The following HDAC9 variants were observed in gnomAD, a reference collection of about 807,000 sequenced individuals.
HDAC9 encodes histone deacetylase 9.
Under a neutral mutation model 139.4 loss-of-function variants are expected in HDAC9, and 41 were observed. That is an observed-to-expected ratio of 0.29 (90% CI 0.23 to 0.38). The LOEUF is 0.38. HDAC9 is among the 10% of genes least tolerant of loss of function. The probability of loss-of-function intolerance (pLI) is 1.00; values close to 1 mark genes in which losing one functional copy is unlikely to be tolerated. For missense variants in HDAC9, 1,147 were observed against 1,297.0 expected (o/e 0.88, Z 1.78); for synonymous variants, 517 against 476.2 (o/e 1.09, Z -1.12).
chr7:18,643,032 A>G, intron 8 of HDAC9, among the ~76,000 whole-genome samples: 1 of 152,166 alleles, frequency 6.6e-6, no homozygotes. Flanking sequence ...AGATAAGTGA[A>G]TAACATATCC....
chr7:18,999,133 GA>G lies in HDAC9; in HGVS notation c.*3077del, dbSNP rs1441322821. The G allele has an allele frequency of 6.6e-6, 1 of 152,114 alleles. No individual in the cohort carries two copies. The highest frequency in any genetic ancestry group is 2.4e-5 in the African/African-American group (1 of 41,426). The allele number at this position is 152,114 out of a possible 1,614,324, so 9.4% of individuals were successfully genotyped here. A position where few individuals can be genotyped will look rare whatever the true frequency, so the allele number is the denominator to read the frequency against. On this transcript the variant is annotated 3_prime_UTR_variant, in exon 26 of 26. Transcript: ENST00000686413. Reference sequence around the variant, plus strand: ...CTTTGGAGAAAATAGAGATATTTATGAAAAAACTACTACAAATCACATTTCC... The same window carrying G: ...CTTTGGAGAAAATAGAGATATTTATGAAAAACTACTACAAATCACATTTCC...
chr7:18,469,586 T>C (rs1794571945), intron 1 of HDAC9, among the ~76,000 whole-genome samples: 1 of 152,126 alleles, frequency 6.6e-6, no homozygotes, highest in African/African-American at 2.4e-5. Context: ...ACATTGTATT[T>C]CATGAATGGG....
At chr7:18,242,793 C>T (rs148220958) in intron 2 of HDAC9, among the ~76,000 whole-genome samples, 1 of 152,068 alleles carries the variant, frequency 6.6e-6, no homozygotes, top group Non-Finnish European at 1.5e-5. Context: ...TCCTTAGTCT[C>T]TACAATTCAA....
At chr7:18,095,207 T>C (rs912172794) in intron 1 of HDAC9, among the ~76,000 whole-genome samples, 1 of 152,112 alleles carries the variant, frequency 6.6e-6, no homozygotes, top group African/African-American at 2.4e-5. Flanking sequence ...ACCTCTTCTG[T>C]GATGCTTCCC....
At position 18,168,462 on chromosome 7, in the gene HDAC9, C is replaced by T. The variant is rs949188036; in HGVS notation, c.25+6113C>T. On this transcript the variant is annotated intron_variant, in intron 2 of 12. Coordinates refer to the HDAC9 transcript ENST00000417496. ...AAATCTTGCTACCTCTGCAAATACA[C>T]ATGTACAGCCCTTTGTTTATAACAT... Among the ~76,000 whole-genome samples, 3 of 152,268 alleles carry T rather than the reference C, an allele frequency of 2.0e-5. No homozygotes were observed. In the East Asian group the frequency reaches 5.8e-4, roughly 29 times the overall value.
intron 1 of HDAC9, among the ~76,000 whole-genome samples, chr7:18,156,049 A>G (rs568867514): frequency 6.6e-6 from 1 of 152,274 alleles, no homozygotes; most frequent in South Asian, 2.1e-4. Context: ...CACTGTGAGC[A>G]CAGTCCTGCT....
At chr7:18,306,983 A>G (rs1798954448) in intron 1 of HDAC9, among the ~76,000 whole-genome samples, 1 of 151,998 alleles carries the variant, frequency 6.6e-6, no homozygotes, top group Non-Finnish European at 1.5e-5. Context: ...ACCTCATTCC[A>G]CAGTTAACAT....
At chr7:18,939,126 G>C (rs371405681) in intron 23 of HDAC9, among the ~76,000 whole-genome samples, 2 of 152,162 alleles carry the variant, frequency 1.3e-5, no homozygotes, top group South Asian at 4.1e-4. Flanking sequence ...ATACCAGCTT[G>C]TCCCTTTTGG....
intron 17 of HDAC9, among the ~76,000 whole-genome samples, chr7:18,827,945 G>A (rs2129204965): frequency 6.6e-6 from 1 of 152,068 alleles, no homozygotes. Context: ...TACCATCAGA[G>A]CGATAGTAAG....
intron 1 of HDAC9, among the ~76,000 whole-genome samples, chr7:18,301,816 G>T (rs917315421): frequency 2.0e-5 from 3 of 152,104 alleles, no homozygotes; most frequent in African/African-American, 7.2e-5. Context: ...GTGGATAAAG[G>T]TCTGTCTTGT....
Position 18,797,313 on chromosome 7 carries a change from T to G in HDAC9, c.2322+3861T>G, listed in dbSNP as rs188683324. Among the ~76,000 whole-genome samples the G allele has an allele frequency of 7.7e-3, 1,180 of 152,272 alleles. 10 individuals are homozygous for G. Among genetic ancestry groups the G allele is most frequent in the South Asian group, 0.01 (50 of 4,828 alleles). ...AAAAAGGGGCTAAAACTATCTATTT[T>G]AAGTAAGCAAAATTTTATCTTTTTT... On this transcript the variant is annotated intron_variant, in intron 17 of 25. Coordinates refer to ENST00000686413, the MANE Select transcript of HDAC9 (RefSeq NM_178425.4).
chr7:18,176,088 A>G (rs115915870), intron 2 of HDAC9, among the ~76,000 whole-genome samples: 84 of 152,302 alleles, frequency 5.5e-4, no homozygotes, highest in African/African-American at 1.8e-3. Context: ...TTTAACTCTC[A>G]GAAGAAATTG....
chr7:18,629,318 A>ATT, intron 6 of HDAC9, 32 bp from the exon 7 acceptor site: 1 of 1,473,034 alleles, frequency 6.8e-7, no homozygotes, highest in Non-Finnish European at 9.0e-7. Context: ...TTTAATTTTT[A>ATT]TCTATTTTTT....
At chr7:18,400,536 A>G (rs994490788) in intron 1 of HDAC9, among the ~76,000 whole-genome samples, 5 of 152,180 alleles carry the variant, frequency 3.3e-5, no homozygotes, top group African/African-American at 4.8e-5. Flanking sequence ...GGGGTCATCC[A>G]TTGAGAGGAT....
intron 2 of HDAC9, among the ~76,000 whole-genome samples, chr7:18,200,134 G>T (rs1056446079): frequency 2.6e-5 from 4 of 152,200 alleles, no homozygotes; most frequent in African/African-American, 7.2e-5. Context: ...ACAATTATCT[G>T]TCTGCTGGAA....
intron 16 of HDAC9, among the ~76,000 whole-genome samples, chr7:18,777,420 C>A (rs1360217965): frequency 6.6e-6 from 1 of 151,760 alleles, no homozygotes; most frequent in Non-Finnish European, 1.5e-5. Flanking sequence ...TCTGGCTGGT[C>A]CATCCTGATT....
chr7:18,254,713 A>G (rs187332274), intron 2 of HDAC9, among the ~76,000 whole-genome samples: 6 of 152,324 alleles, frequency 3.9e-5, no homozygotes, highest in African/African-American at 1.2e-4. Context: ...TTCTGAAGGG[A>G]AATTTTATAG....
intron 1 of HDAC9, among the ~76,000 whole-genome samples, chr7:18,376,639 T>C (rs1173325273): frequency 1.3e-5 from 2 of 152,178 alleles, no homozygotes; most frequent in African/African-American, 4.8e-5. Context: ...TGAGCCTCCC[T>C]TCCTTTTGCT....
chr7:18,557,202 T>A (rs1819071144), intron 2 of HDAC9, among the ~76,000 whole-genome samples: 1 of 152,082 alleles, frequency 6.6e-6, no homozygotes, highest in African/African-American at 2.4e-5. Flanking sequence ...TTTGGAGTTC[T>A]GTTATTTCAA....
Sources: gnomAD v4.1 joint callset for allele counts (sites outside exome capture counted in the v4.1 genomes callset) on GRCh38, gnomAD v4.1.1 for gene constraint, MANE v1.5 for transcripts, NCBI Gene and HGNC (gene_info 2026-07-23, HGNC 2026-07-21) for gene names.